The following PHF11 variants were observed in gnomAD, a reference collection of about 807,000 sequenced individuals.
The protein encoded by PHF11 is PHD finger protein 11.
PHF11 carries 38 observed loss-of-function variants against 40.5 expected under a neutral mutation model. That is an observed-to-expected ratio of 0.94 (90% CI 0.72 to 1.23). The LOEUF is 1.23. Among genes scored for constraint, PHF11 ranks in the 50% most tolerant of loss-of-function variants. The pLI, the probability that PHF11 is intolerant of heterozygous loss-of-function variation, is 0.00. For missense variants in PHF11, 369 were observed against 392.4 expected (o/e 0.94, Z 0.50); for synonymous variants, 127 against 138.2 (o/e 0.92, Z 0.57).
chr13:49,522,759 G>GTTTT (rs34691109), intron 6 of PHF11, among the ~76,000 whole-genome samples: 1 of 31,764 alleles, frequency 3.1e-5, no homozygotes, highest in African/African-American at 9.5e-5. Flanking sequence ...TGAATATGGG[G>GTTTT]TTTTTTTGTT....
chr13:49,519,755 A>G (rs917575668), intron 4 of PHF11, among the ~76,000 whole-genome samples: 1 of 152,102 alleles, frequency 6.6e-6, no homozygotes. Flanking sequence ...TATTTTCAAC[A>G]CTGTTTTATA....
intron 1 of PHF11, chr13:49,496,587 C>T (rs1307925705): frequency 6.0e-6 from 2 of 332,448 alleles, no homozygotes; most frequent in Non-Finnish European, 8.6e-6. Context: ...CTCCCCGGCC[C>T]TCTACTTGAG....
chr13:49,514,721 G>A (rs1959128307), intron 3 of PHF11, among the ~76,000 whole-genome samples: 1 of 150,666 alleles, frequency 6.6e-6, no homozygotes, highest in Non-Finnish European at 1.5e-5. Context: ...TCACACCACT[G>A]TACTCCAGCC....
At chr13:49,503,019 G>A (rs575944437) in intron 1 of PHF11, among the ~76,000 whole-genome samples, 25 of 152,142 alleles carry the variant, frequency 1.6e-4, no homozygotes, top group African/African-American at 2.9e-4. Context: ...CACCGTGCCC[G>A]ACCAAGATTG....
intron 3 of PHF11, among the ~76,000 whole-genome samples, chr13:49,516,769 G>A (rs1226818255): frequency 1.3e-5 from 2 of 151,914 alleles, no homozygotes; most frequent in East Asian, 3.9e-4. Context: ...GTTTTTTGTA[G>A]AGATGAGGTC....
rs1278383794 is a variant in PHF11 at position 49,526,397 on chromosome 13, A to C, written c.780A>C (p.Glu260Asp). ...TTTCTCTCCCTCCAGACTATGAAGAAATCGGGAGTGCACTTTTTGACTGTA... is the reference window on the plus strand; with the variant it reads ...TTTCTCTCCCTCCAGACTATGAAGACATCGGGAGTGCACTTTTTGACTGTA... The part of the protein sequence containing the change: ...DETTSESDYE[E>D]IGSALFDCRL... Residue 260 changes from glutamate to aspartate, a missense_variant, in exon 9 of 10, where the codon GAA becomes GAC. Physicochemically the swap from Glu to Asp is conservative, Grantham distance 45. Transcript: ENST00000378319. The C allele has an allele frequency of 6.2e-7, 1 of 1,608,276 alleles. No individual in the cohort carries two copies. The highest frequency in any genetic ancestry group is 8.5e-7 in the Non-Finnish European group (1 of 1,174,840).
intron 9 of PHF11, 70 bp downstream of exon 9, chr13:49,526,528 A>C: frequency 1.2e-6 from 1 of 857,728 alleles, no homozygotes; most frequent in Non-Finnish European, 2.0e-6. Flanking sequence ...GAAACAATAT[A>C]CTGTACAGGT....
At chr13:49,527,393 C>A (rs1959353144) in intron 9 of PHF11, 1 of 152,182 alleles carries the variant, frequency 6.6e-6, no homozygotes, top group African/African-American at 2.4e-5. Flanking sequence ...ACAGATGCAT[C>A]TGTCTCTCCA....
At chr13:49,496,271 T>A in intron 1 of PHF11, 176 bp downstream of exon 1, 1 of 658,062 alleles carries the variant, frequency 1.5e-6, no homozygotes, top group Non-Finnish European at 2.1e-6. Context: ...CGCGTGCCTG[T>A]TGGTGGGGGA....
At position 49,503,451 on chromosome 13, in the gene PHF11, C is replaced by T. The variant is rs186973780; in HGVS notation, c.95-3184C>T. ...CCCTGTTTATTTCGTAAGCTTCTTG[C>T]AGACACCAGTTCTATCTCACCACAT... On this transcript the variant is annotated intron_variant, in intron 1 of 9. Coordinates refer to ENST00000378319, the MANE Select transcript of PHF11 (RefSeq NM_001040443.3). Among the ~76,000 whole-genome samples the T allele has an allele frequency of 4.6e-5, 7 of 152,312 alleles. No individual in the cohort carries two copies. In the East Asian group the frequency reaches 1.4e-3, roughly 29 times the overall value.
At chr13:49,524,282 AAACC>A in intron 8 of PHF11, 66 bp downstream of exon 8, 7 of 1,033,236 alleles carry the variant, frequency 6.8e-6, no homozygotes, top group Non-Finnish European at 9.7e-6. Context: ...AAAACAAAAC[AAACC>A]CAAGAAAAAA....
chr13:49,518,110 C>A lies in PHF11; in HGVS notation c.417C>A (p.Asp139Glu), dbSNP rs139845867. 21 of 1,606,956 alleles carry A rather than the reference C, an allele frequency of 1.3e-5. No homozygotes were observed. In the Admixed American group the frequency reaches 2.3e-4, roughly 18 times the overall value. Residue 139 changes from aspartate (D) to glutamate (E), a missense_variant, in exon 4 of 10, where the codon GAC becomes GAA. Asp to Glu is a conservative substitution (Grantham distance 45). Coordinates refer to ENST00000378319, the MANE Select transcript of PHF11 (RefSeq NM_001040443.3). ...ACCACTTTTTCTGTGCCAAGAAGGA[C>A]GACGCAGTTCCACAGTCTGATGGAG... ...KNYHFFCAKK[D>E]DAVPQSDGVR...
At chr13:49,527,257 T>C (rs998155073) in intron 9 of PHF11, 1 of 152,152 alleles carries the variant, frequency 6.6e-6, no homozygotes, top group Admixed American at 6.5e-5. Context: ...ATGAGTCTGG[T>C]CTGACTTCTC....
rs531342087 is a variant in PHF11, at chr13:49,505,444, G to C, written c.95-1191G>C. Among the ~76,000 whole-genome samples, 10 of 152,300 alleles carry C rather than the reference G, an allele frequency of 6.6e-5. No individual in the cohort carries two copies. In the South Asian group the frequency reaches 1.7e-3, roughly 25 times the overall value. ...GAGAAGAGATCTGGATAACAGAAGA[G>C]ACTTAGGGATCACTTAAGCAGTTAA... On this transcript the variant is annotated intron_variant, in intron 1 of 9. Coordinates refer to ENST00000378319, the MANE Select transcript of PHF11 (RefSeq NM_001040443.3).
chr13:49,518,242 A>G, intron 4 of PHF11, 91 bp downstream of exon 4: 1 of 874,680 alleles, frequency 1.1e-6, no homozygotes, highest in Non-Finnish European at 1.7e-6. Flanking sequence ...GACTAATTTT[A>G]TGTAAATGGT....
chr13:49,502,970 C>G (rs1252528999), intron 1 of PHF11, among the ~76,000 whole-genome samples: 1 of 152,082 alleles, frequency 6.6e-6, no homozygotes, highest in African/African-American at 2.4e-5. Context: ...GTGATCCACC[C>G]ACCTCGGCCT....
At chr13:49,511,452 G>A (rs913998156) in intron 2 of PHF11, among the ~76,000 whole-genome samples, 1 of 151,198 alleles carries the variant, frequency 6.6e-6, no homozygotes, top group Non-Finnish European at 1.5e-5. Context: ...TCAGCCTCGC[G>A]AGTAGCTGGG....
chr13:49,506,968 A>G (rs1959007225), intron 2 of PHF11, among the ~76,000 whole-genome samples: 1 of 145,062 alleles, frequency 6.9e-6, no homozygotes, highest in South Asian at 2.2e-4. Flanking sequence ...TGGTGGCGCA[A>G]TCTTGAATCA....
intron 2 of PHF11, among the ~76,000 whole-genome samples, chr13:49,507,550 G>A (rs1959019649): frequency 1.3e-5 from 2 of 152,190 alleles, no homozygotes; most frequent in African/African-American, 4.8e-5. Flanking sequence ...GGAATGGGGT[G>A]TTTTGTACTT....
Sources: gnomAD v4.1 joint callset for allele counts (sites outside exome capture counted in the v4.1 genomes callset) on GRCh38, gnomAD v4.1.1 for gene constraint, MANE v1.5 for transcripts, NCBI Gene and HGNC (gene_info 2026-07-23, HGNC 2026-07-21) for gene names.